UBE3C: variants seen among roughly 807,000 people sequenced by gnomAD.
The protein encoded by UBE3C is ubiquitin protein ligase E3C.
A neutral mutation model predicts 129.4 loss-of-function variants in UBE3C; 42 were observed. That is an observed-to-expected ratio of 0.32 (90% CI 0.25 to 0.42). The LOEUF is 0.42. Among genes scored for constraint, UBE3C ranks in the 10% least tolerant of loss-of-function variants. UBE3C has a pLI of 1.00. For missense variants in UBE3C, 1,049 were observed against 1,319.1 expected (o/e 0.80, Z 3.17); for synonymous variants, 510 against 492.4 (o/e 1.04, Z -0.47).
At chr7:157,199,604 G>A (rs1288147275) in intron 10 of UBE3C, among the ~76,000 whole-genome samples, 1 of 151,980 alleles carries the variant, frequency 6.6e-6, no homozygotes, top group Non-Finnish European at 1.5e-5. Context: ...CTGAATAGCT[G>A]GGATTACAGG....
intron 2 of UBE3C, among the ~76,000 whole-genome samples, chr7:157,168,130 T>A (rs1423945653): frequency 6.6e-6 from 1 of 151,672 alleles, no homozygotes; most frequent in East Asian, 2.0e-4. Flanking sequence ...GGCTGGAGGA[T>A]CATGAGGTCA....
At position 157,186,914 on chromosome 7, in the gene UBE3C, G is replaced by C; in HGVS notation, c.1224G>C (p.Leu408=). 1 of 1,614,134 alleles carries C rather than the reference G, an allele frequency of 6.2e-7. No individual in the cohort carries two copies. The highest frequency in any genetic ancestry group is 8.5e-7 in the Non-Finnish European group (1 of 1,180,016). Residue 408 remains leucine (L), a synonymous_variant, in exon 10 of 23, where the codon CTG becomes CTC. Transcript: ENST00000348165. ...KLDTKQQTNT[L]LNLVWRDSAS... ...ACACAAAGCAGCAGACCAACACCCTGCTCAACCTGGTGTGGAGGGACTCTG... is the reference window on the plus strand; with the variant it reads ...ACACAAAGCAGCAGACCAACACCCTCCTCAACCTGGTGTGGAGGGACTCTG...
intron 2 of UBE3C, 86 bp from the exon 3 acceptor site, chr7:157,168,962 T>C: frequency 1.0e-6 from 1 of 994,874 alleles, no homozygotes; most frequent in Non-Finnish European, 1.6e-6. Context: ...ACATAGCTGT[T>C]AGTGTTTTTA....
At chr7:157,252,325 T>C (rs1796640005) in intron 19 of UBE3C, among the ~76,000 whole-genome samples, 1 of 152,266 alleles carries the variant, frequency 6.6e-6, no homozygotes, top group Admixed American at 6.5e-5. Context: ...TGAAATATAA[T>C]AGCTAGCCTC....
intron 1 of UBE3C, among the ~76,000 whole-genome samples, chr7:157,163,474 G>A (rs956221360): frequency 2.6e-5 from 4 of 151,540 alleles, no homozygotes; most frequent in African/African-American, 9.7e-5. Flanking sequence ...ATTTTACAAA[G>A]CTAGTAAGAT....
intron 18 of UBE3C, chr7:157,231,655 A>C (rs1400926537): frequency 3.3e-6 from 1 of 302,784 alleles, no homozygotes; most frequent in Non-Finnish European, 6.3e-6. Flanking sequence ...GTGACTTTTT[A>C]CAGGAGGGAG....
At chr7:157,184,212 T>A (rs1457178040) in intron 9 of UBE3C, among the ~76,000 whole-genome samples, 183 bp downstream of exon 9, 2 of 152,220 alleles carry the variant, frequency 1.3e-5, no homozygotes, top group African/African-American at 4.8e-5. Context: ...CACCGCTTTG[T>A]TAGCACGTTC....
intron 9 of UBE3C, among the ~76,000 whole-genome samples, chr7:157,184,840 G>A (rs1373195265): frequency 6.6e-6 from 1 of 152,082 alleles, no homozygotes; most frequent in Non-Finnish European, 1.5e-5. Flanking sequence ...GTCAGCTCAG[G>A]GCTTGATTTT....
intron 10 of UBE3C, among the ~76,000 whole-genome samples, chr7:157,192,073 A>C (rs1218131933): frequency 6.6e-6 from 1 of 152,208 alleles, no homozygotes; most frequent in East Asian, 1.9e-4. Context: ...TCCTATCTAG[A>C]TTATAAACTA....
In UBE3C at chr7:157,182,139, T is replaced by A. The variant is rs1475464935; in HGVS notation, c.802T>A (p.Phe268Ile). ...AGTTTTTACAGCCTTCACAGAGGAG[T>A]TTCTGGCAGCACCTTTTACAGATCA... is the stretch of plus-strand genomic sequence containing the variant. ...QQVFTAFTEE[F>I]LAAPFTDQIF... The change falls in exon 8 of 23, where the codon TTT becomes ATT. Residue 268 changes from phenylalanine (F) to isoleucine (I), a missense_variant. This residue lies in a region of UBE3C where 489 missense variants were observed against 513.8 expected (regional missense o/e 0.95). Transcript: ENST00000348165. 1 of 1,594,538 alleles carries A rather than the reference T, an allele frequency of 6.3e-7. No homozygotes were observed.
chr7:157,149,562 G>A (rs1807702619), intron 1 of UBE3C, among the ~76,000 whole-genome samples: 1 of 152,138 alleles, frequency 6.6e-6, no homozygotes, highest in Admixed American at 6.5e-5. Context: ...CTGAGAGTGA[G>A]TGCCTCCTTA....
At chr7:157,253,919 G>T in intron 19 of UBE3C, 35 bp from the exon 20 acceptor site, 2 of 1,522,564 alleles carry the variant, frequency 1.3e-6, no homozygotes. Flanking sequence ...ATCATACTTT[G>T]AGGATTTTGA....
chr7:157,224,716 C>G (rs1795827368), intron 16 of UBE3C, among the ~76,000 whole-genome samples: 1 of 151,694 alleles, frequency 6.6e-6, no homozygotes, highest in African/African-American at 2.4e-5. Context: ...GCATGGTGAA[C>G]AAAAGAGTTT....
intron 1 of UBE3C, among the ~76,000 whole-genome samples, chr7:157,140,237 A>G (rs1047366489): frequency 1.4e-5 from 2 of 146,098 alleles, no homozygotes; most frequent in Admixed American, 1.4e-4. Context: ...GTCTATCAGT[A>G]TATTCTGTAT....
intron 18 of UBE3C, among the ~76,000 whole-genome samples, chr7:157,239,018 G>A (rs1317286826): frequency 3.3e-5 from 5 of 152,176 alleles, no homozygotes; most frequent in South Asian, 4.1e-4. Flanking sequence ...TTTCTGTGGC[G>A]TGGTGAAGGC....
chr7:157,175,908 G>A (rs946948178), intron 5 of UBE3C, among the ~76,000 whole-genome samples: 1 of 152,084 alleles, frequency 6.6e-6, no homozygotes, highest in Non-Finnish European at 1.5e-5. Context: ...AAATATTTTA[G>A]GGTTTGTGGT....
intron 1 of UBE3C, among the ~76,000 whole-genome samples, chr7:157,162,332 C>G (rs1207514496): frequency 6.6e-6 from 1 of 151,788 alleles, no homozygotes; most frequent in East Asian, 1.9e-4. Context: ...GTAGCTGGGA[C>G]TACTGGTATG....
chr7:157,225,728 T>G (rs1198195924), intron 17 of UBE3C, among the ~76,000 whole-genome samples, 189 bp downstream of exon 17: 1 of 152,142 alleles, frequency 6.6e-6, no homozygotes, highest in African/African-American at 2.4e-5. Context: ...GTGAGAGGAT[T>G]GCTTGTGCTC....
At chr7:157,233,326 T>C (rs923872123) in intron 18 of UBE3C, among the ~76,000 whole-genome samples, 4 of 152,222 alleles carry the variant, frequency 2.6e-5, no homozygotes, top group African/African-American at 9.6e-5. Flanking sequence ...GGTCTTTCTC[T>C]GCCACCTAGG....
Sources: allele counts gnomAD v4.1 joint callset (sites outside exome capture counted in the v4.1 genomes callset), GRCh38; gene constraint gnomAD v4.1.1; regional missense constraint gnomAD v4.1.1; transcripts MANE v1.5; gene names NCBI Gene and HGNC (gene_info 2026-07-23, HGNC 2026-07-21).